TLN2: variants seen among roughly 807,000 people sequenced by gnomAD.
TLN2 encodes the protein talin 2.
Under a neutral mutation model 294.7 loss-of-function variants are expected in TLN2, and 118 were observed. That is an observed-to-expected ratio of 0.40 (90% CI 0.34 to 0.47). TLN2 has a LOEUF of 0.47. Ranked by LOEUF, TLN2 falls within the 20% of genes least tolerant of loss-of-function variation. TLN2 has a pLI of 0.84. For synonymous variants in TLN2, 1,431 were observed against 1,304.5 expected, an observed-to-expected ratio of 1.10 and a Z score of -2.09; for missense variants, 3,083 against 3,282.2, an observed-to-expected ratio of 0.94 and a Z score of 1.48.
intron 1 of TLN2, among the ~76,000 whole-genome samples, chr15:62,393,593 T>C (rs572165053): frequency 5.9e-5 from 9 of 152,330 alleles, no homozygotes; most frequent in South Asian, 2.1e-4. Context: ...GTGAATGATA[T>C]AAATTTTTAC....
intron 1 of TLN2, among the ~76,000 whole-genome samples, chr15:62,495,195 A>T (rs1253530678): frequency 6.6e-6 from 1 of 152,174 alleles, no homozygotes; most frequent in Non-Finnish European, 1.5e-5. Context: ...CCAGTCATTT[A>T]TCTAGTCATT....
chr15:62,476,758 G>A (rs2037803545), intron 1 of TLN2, among the ~76,000 whole-genome samples: 2 of 152,130 alleles, frequency 1.3e-5, no homozygotes, highest in African/African-American at 2.4e-5. Context: ...ACTGGCCTTC[G>A]AGAAAGCACC....
intron 40 of TLN2, among the ~76,000 whole-genome samples, chr15:62,765,990 G>T (rs760628845): frequency 1.3e-5 from 2 of 152,142 alleles, no homozygotes; most frequent in African/African-American, 4.8e-5. Context: ...AGAAGTTGTC[G>T]TTCCTTCTTG....
intron 1 of TLN2, among the ~76,000 whole-genome samples, chr15:62,567,854 G>A (rs2043537252): frequency 6.6e-6 from 1 of 152,094 alleles, no homozygotes; most frequent in Non-Finnish European, 1.5e-5. Flanking sequence ...AAAAGACAAT[G>A]AGGGGACCTT....
At chr15:62,652,698 C>G (rs576276910) in intron 6 of TLN2, among the ~76,000 whole-genome samples, 82 of 152,172 alleles carry the variant, frequency 5.4e-4, no homozygotes, top group African/African-American at 2.0e-3. Flanking sequence ...CGGTGTTTCC[C>G]AAAAATTATT....
At chr15:62,697,966 C>G (rs1334813623) in intron 15 of TLN2, 98 bp downstream of exon 15, 12 of 1,417,262 alleles carry the variant, frequency 8.5e-6, no homozygotes, top group South Asian at 3.8e-5. Context: ...TTGGAACGCT[C>G]TCTATTTCCC....
chr15:62,840,586 C>T lies in TLN2; in HGVS notation c.7605C>T (p.Thr2535=), dbSNP rs779993722. 1.3e-5 allele frequency: 21 copies of T among 1,614,000 alleles called. No homozygotes were observed. Among genetic ancestry groups the T allele is most frequent in the Admixed American group, 6.7e-5 (4 of 59,994 alleles). The change falls in exon 59 of 59, where the codon ACC becomes ACT. Residue 2535 remains threonine (T), a synonymous_variant. Coordinates refer to ENST00000636159, the MANE Select transcript of TLN2 (RefSeq NM_015059.3). ...IRQQQYKFLP[T]ELREDEG The stretch of plus-strand genomic sequence containing the variant: ...AGCAGCAGTATAAGTTTTTACCCAC[C>T]GAGCTGAGGGAAGATGAGGGCTAAA...
At chr15:62,658,779 C>T (rs2053508299) in intron 9 of TLN2, among the ~76,000 whole-genome samples, 1 of 152,180 alleles carries the variant, frequency 6.6e-6, no homozygotes, top group Non-Finnish European at 1.5e-5. Context: ...TATCGAAGGC[C>T]ATGTGCACAA....
chr15:62,604,649 G>C (rs2047276817), intron 2 of TLN2, among the ~76,000 whole-genome samples: 1 of 151,188 alleles, frequency 6.6e-6, no homozygotes, highest in South Asian at 2.1e-4. Flanking sequence ...TGTGTAGTTG[G>C]AAGGAGGCCG....
chr15:62,617,038 C>T (rs1197675598), intron 2 of TLN2, among the ~76,000 whole-genome samples: 7 of 152,000 alleles, frequency 4.6e-5, no homozygotes, highest in African/African-American at 1.7e-4. Context: ...GACTGCCATG[C>T]AATGCACATG....
intron 9 of TLN2, among the ~76,000 whole-genome samples, chr15:62,659,639 AGTTT>A (rs923756326): frequency 3.9e-5 from 6 of 152,156 alleles, no homozygotes; most frequent in Admixed American, 1.3e-4. Flanking sequence ...AATTGCATTG[AGTTT>A]GTTTCTTTTT....
chr15:62,557,212 G>T lies in TLN2; in HGVS notation c.-237-32475G>T, dbSNP rs2042655777. Among the ~76,000 whole-genome samples the T allele has an allele frequency of 2.6e-5, 4 of 152,274 alleles. No individual in the cohort carries two copies. In the South Asian group the frequency reaches 8.3e-4, roughly 32 times the overall value. On this transcript the variant is annotated intron_variant, in intron 1 of 58. Transcript: ENST00000636159. The stretch of plus-strand genomic sequence containing the variant: ...ACCAGTGGCAGTGACCCAGGCTGGG[G>T]TGGAGTCTTGGGGTATGGAAGTCGT...
chr15:62,487,898 G>A (rs748517620), intron 1 of TLN2, among the ~76,000 whole-genome samples: 6 of 151,670 alleles, frequency 4.0e-5, no homozygotes, highest in East Asian at 1.9e-4. Flanking sequence ...GTGAGAATCC[G>A]TCTCAAAAAA....
intron 1 of TLN2, among the ~76,000 whole-genome samples, chr15:62,477,945 G>A (rs2037873373): frequency 6.6e-6 from 1 of 151,858 alleles, no homozygotes; most frequent in South Asian, 2.1e-4. Flanking sequence ...GGCGTTGCAG[G>A]CTCAACATTG....
At chr15:62,615,333 T>A (rs903641799) in intron 2 of TLN2, among the ~76,000 whole-genome samples, 8 of 152,204 alleles carry the variant, frequency 5.3e-5, no homozygotes, top group Non-Finnish European at 1.0e-4. Context: ...CTTTGGCCCA[T>A]AGCATATTTA....
At chr15:62,759,247 T>C (rs931148826) in intron 37 of TLN2, among the ~76,000 whole-genome samples, 6 of 152,230 alleles carry the variant, frequency 3.9e-5, no homozygotes, top group Non-Finnish European at 5.9e-5. Flanking sequence ...AAATAATACC[T>C]GTGCAAACTA....
chr15:62,485,304 G>A (rs1196903786), intron 1 of TLN2, among the ~76,000 whole-genome samples: 1 of 152,206 alleles, frequency 6.6e-6, no homozygotes. Flanking sequence ...CATAGTTCTG[G>A]CTGCCACAAG....
intron 9 of TLN2, among the ~76,000 whole-genome samples, chr15:62,663,691 A>T (rs2054181266): frequency 6.6e-6 from 1 of 152,064 alleles, no homozygotes; most frequent in Non-Finnish European, 1.5e-5. Flanking sequence ...TACAAAAAGT[A>T]TAATTTACCT....
intron 1 of TLN2, among the ~76,000 whole-genome samples, chr15:62,464,430 G>C (rs768487090): frequency 6.6e-6 from 1 of 152,092 alleles, no homozygotes; most frequent in Non-Finnish European, 1.5e-5. Context: ...TTGTGGGATC[G>C]GGGGAGTGGG....
Sources: gnomAD v4.1 joint callset for allele counts (sites outside exome capture counted in the v4.1 genomes callset) on GRCh38, gnomAD v4.1.1 for gene constraint, MANE v1.5 for transcripts, NCBI Gene and HGNC (gene_info 2026-07-23, HGNC 2026-07-21) for gene names.